Variants in RFC2 observed in about 807,000 individuals in gnomAD.
The protein encoded by RFC2 is A1 40 kDa subunit.
A neutral mutation model predicts 44.8 loss-of-function variants in RFC2; 34 were observed. That is an observed-to-expected ratio of 0.76 (90% CI 0.58 to 1.01). RFC2 has a LOEUF of 1.01. RFC2 is among the 50% of genes least tolerant of loss of function. RFC2 has a pLI of 0.00. For synonymous variants in RFC2, 177 were observed against 168.9 expected (o/e 1.05, Z -0.37); for missense variants, 400 against 453.6 (o/e 0.88, Z 1.07).
At chr7:74,243,546 A>T (rs967041787) in intron 5 of RFC2, among the ~76,000 whole-genome samples, 6 of 151,974 alleles carry the variant, frequency 3.9e-5, no homozygotes, top group Non-Finnish European at 8.8e-5. Context: ...TTCATGACAC[A>T]AATTCAGGAG....
intron 4 of RFC2, 125 bp from the exon 5 acceptor site, chr7:74,246,888 G>T: frequency 1.9e-6 from 1 of 520,766 alleles, no homozygotes; most frequent in Non-Finnish European, 3.4e-6. Context: ...GTTTTTTTGG[G>T]GGGCAATTGT....
intron 10 of RFC2, among the ~76,000 whole-genome samples, chr7:74,234,111 C>T (rs1331054334): frequency 6.6e-6 from 1 of 152,190 alleles, no homozygotes; most frequent in Non-Finnish European, 1.5e-5. Flanking sequence ...GGATGGATTA[C>T]TTCTCAGTGA....
chr7:74,251,188 T>C (rs1786916651), intron 2 of RFC2, among the ~76,000 whole-genome samples: 1 of 152,118 alleles, frequency 6.6e-6, no homozygotes, highest in Non-Finnish European at 1.5e-5. Context: ...GTCCACTCTG[T>C]CACCTAGGCT....
chr7:74,233,586 T>C (rs904398196), intron 10 of RFC2, among the ~76,000 whole-genome samples: 1 of 150,888 alleles, frequency 6.6e-6, no homozygotes, highest in Non-Finnish European at 1.5e-5. Flanking sequence ...TTTGTTGTTG[T>C]TGTTATTGGT....
intron 5 of RFC2, among the ~76,000 whole-genome samples, chr7:74,244,385 C>T (rs1803489551): frequency 6.6e-6 from 1 of 151,394 alleles, no homozygotes; most frequent in African/African-American, 2.4e-5. Flanking sequence ...CAGAGTCTTG[C>T]TCTGTTGCCC....
chr7:74,249,678 G>C, intron 3 of RFC2, 61 bp downstream of exon 3: 2 of 1,390,948 alleles, frequency 1.4e-6, no homozygotes, highest in Non-Finnish European at 2.0e-6. Context: ...CAAGAAAGCA[G>C]TTCAGCGGAC....
intron 1 of RFC2, 102 bp from the exon 2 acceptor site, chr7:74,252,600 C>A: frequency 1.3e-6 from 1 of 753,418 alleles, no homozygotes; most frequent in Non-Finnish European, 2.4e-6. Context: ...AAATTACATA[C>A]ATTCAGTACA....
At chr7:74,235,466 C>G in intron 10 of RFC2, 66 bp downstream of exon 10, 1 of 1,017,532 alleles carries the variant, frequency 9.8e-7, no homozygotes, top group Middle Eastern at 2.1e-4. Flanking sequence ...ACAGGTGTGG[C>G]CCACAGCACC....
intron 3 of RFC2, among the ~76,000 whole-genome samples, 175 bp downstream of exon 3, chr7:74,249,564 T>A (rs577379924): frequency 4.0e-5 from 6 of 149,738 alleles, no homozygotes; most frequent in East Asian, 2.0e-4. Context: ...AATAAATAAA[T>A]AAAAAAAAAT....
At chr7:74,245,016 T>C (rs1554719765) in intron 5 of RFC2, among the ~76,000 whole-genome samples, 1 of 151,722 alleles carries the variant, frequency 6.6e-6, no homozygotes, top group East Asian at 2.0e-4. Flanking sequence ...ATTCTTTTCT[T>C]AATGTCATTT....
In RFC2 at chr7:74,249,112, G is replaced by A; in HGVS notation, c.232C>T (p.Pro78Ser). The change falls in exon 4 of 11, where the codon CCA (proline) becomes TCA (serine). Residue 78 changes from proline (P) to serine (S), a missense_variant. Pro to Ser is a moderately conservative substitution (Grantham distance 74). Transcript: ENST00000055077. ...NVPNIIIAGP[P>S]GTGKTTSILC... Reference sequence around the variant, plus strand: ...ATGCTTGTGGTCTTGCCGGTTCCTGGAGGGCCCTGGGAATGAGATCTCCAG... The same window carrying A: ...ATGCTTGTGGTCTTGCCGGTTCCTGAAGGGCCCTGGGAATGAGATCTCCAG... The A allele has an allele frequency of 6.2e-7, 1 of 1,614,004 alleles. No homozygotes were observed. The highest frequency in any genetic ancestry group is 8.5e-7 in the Non-Finnish European group (1 of 1,179,962).
At chr7:74,239,042 A>C (rs1354105839) in intron 7 of RFC2, 54 bp from the exon 8 acceptor site, 2 of 1,445,626 alleles carry the variant, frequency 1.4e-6, no homozygotes, top group East Asian at 4.6e-5. Context: ...TTTCTTTTTG[A>C]GTAGAGACAG....
rs782330255 is a variant in RFC2, at chr7:74,249,056, T to A, written c.288A>T (p.Pro96=). Residue 96 remains proline, a synonymous_variant, in exon 4 of 11, where the codon CCA becomes CCT. Transcript: ENST00000055077. ...ILCLARALLG[P]ALKDAMLELN... ...GTTCCAACATGGCATCTTTGAGTGC[T>A]GGGCCCAGCAGGGCCCGGGCCAAGC... The A allele has an allele frequency of 6.2e-7, 1 of 1,614,022 alleles. No individual in the cohort carries two copies. Among genetic ancestry groups the A allele is most frequent in the South Asian group, 1.1e-5 (1 of 91,080 alleles).
chr7:74,244,885 C>G (rs1355048453), intron 5 of RFC2, among the ~76,000 whole-genome samples: 1 of 151,794 alleles, frequency 6.6e-6, no homozygotes, highest in Non-Finnish European at 1.5e-5. Flanking sequence ...ATCATTACAG[C>G]CGAGGAGTTC....
At chr7:74,239,801 A>T in intron 7 of RFC2, 137 bp downstream of exon 7, 1 of 794,792 alleles carries the variant, frequency 1.3e-6, no homozygotes, top group Non-Finnish European at 1.9e-6. Flanking sequence ...TAGACAGCCC[A>T]CTGTCCCAGG....
chr7:74,244,691 G>T (rs1301093841), intron 5 of RFC2, among the ~76,000 whole-genome samples: 2 of 151,432 alleles, frequency 1.3e-5, no homozygotes, highest in African/African-American at 4.8e-5. Flanking sequence ...TATTTCGCCA[G>T]GCACAGCACC....
At chr7:74,247,594 C>T (rs1554720287) in intron 4 of RFC2, among the ~76,000 whole-genome samples, 1 of 152,060 alleles carries the variant, frequency 6.6e-6, no homozygotes, top group Non-Finnish European at 1.5e-5. Flanking sequence ...GAGTCGAGAT[C>T]GTGCCACTGC....
chr7:74,233,931 G>T (rs1554717774), intron 10 of RFC2: 1 of 455,400 alleles, frequency 2.2e-6, no homozygotes, highest in Non-Finnish European at 4.4e-6. Context: ...ATTTTCCCAG[G>T]CAATTTCACC....
chr7:74,250,075 C>T (rs1192849844), intron 2 of RFC2, among the ~76,000 whole-genome samples: 1 of 151,598 alleles, frequency 6.6e-6, no homozygotes, highest in South Asian at 2.1e-4. Flanking sequence ...ATCGGTTGAG[C>T]CTGAGAAGTG....
Sources: gnomAD v4.1 joint callset for allele counts (sites outside exome capture counted in the v4.1 genomes callset) on GRCh38, gnomAD v4.1.1 for gene constraint, MANE v1.5 for transcripts, NCBI Gene and HGNC (gene_info 2026-07-23, HGNC 2026-07-21) for gene names.